SS18L2: variants seen among roughly 807,000 people sequenced by gnomAD.
The protein encoded by SS18L2 is SS18-like protein 2.
SS18L2 carries 8 observed loss-of-function variants against 10.3 expected under a neutral mutation model. The observed-to-expected ratio is 0.78, with a 90% CI of 0.46 to 1.41. SS18L2 has a LOEUF of 1.41. Ranked by LOEUF, SS18L2 falls within the 40% of genes most tolerant of loss-of-function variation. The pLI is 0.00. For synonymous variants in SS18L2, 41 were observed against 34.6 expected (o/e 1.19, Z -0.65); for missense variants, 100 against 96.2 (o/e 1.04, Z -0.17).
chr3:42,585,420 G>A (rs943856710), intron 1 of SS18L2, among the ~76,000 whole-genome samples: 2 of 152,290 alleles, frequency 1.3e-5, no homozygotes, highest in East Asian at 3.9e-4. Context: ...CTGGACCACA[G>A]AAGAGCTCCA....
intron 2 of SS18L2, among the ~76,000 whole-genome samples, chr3:42,592,145 T>G (rs1344265663): frequency 1.3e-5 from 2 of 152,154 alleles, no homozygotes; most frequent in Non-Finnish European, 2.9e-5. Context: ...TGAGAGAAAA[T>G]AGAGTCTGAG....
At chr3:42,592,379 T>C (rs1026905328) in intron 2 of SS18L2, among the ~76,000 whole-genome samples, 2 of 152,140 alleles carry the variant, frequency 1.3e-5, no homozygotes, top group African/African-American at 4.8e-5. Context: ...TTTATATTTG[T>C]AGTAGAGACA....
intron 1 of SS18L2, among the ~76,000 whole-genome samples, chr3:42,584,579 G>A (rs978286012): frequency 6.6e-6 from 1 of 152,174 alleles, no homozygotes; most frequent in African/African-American, 2.4e-5. Context: ...TTGAAAGTCA[G>A]CATCATATGG....
In SS18L2 at chr3:42,594,696, G is replaced by A. The variant is rs538106279; in HGVS notation, c.*187G>A. 1.9e-4 allele frequency: 87 copies of A among 468,390 alleles called. No homozygotes were observed. The highest frequency in any genetic ancestry group is 1.7e-3 in the African/African-American group (84 of 50,452). 29.0% of individuals were successfully genotyped at this position (468,390 alleles called of 1,614,324 possible). A position where few individuals can be genotyped will look rare whatever the true frequency, so the allele number is the denominator to read the frequency against. On this transcript the variant is annotated 3_prime_UTR_variant, in exon 3 of 3. Transcript: ENST00000011691. ...GCTACTAACTTAGCTGTATTCTCAT[G>A]TAAATATTTTTTAAATAATTAAGCA...
chr3:42,594,753 C>T lies in SS18L2; in HGVS notation c.*244C>T. On this transcript the variant is annotated 3_prime_UTR_variant, in exon 3 of 3. Coordinates refer to ENST00000011691, the MANE Select transcript of SS18L2 (RefSeq NM_001370300.1). ...TCAATAAGTTGAGCCCAGGTGTCCT[C>T]TTTCCTGAACTTGGAGCATGTTTGG... The T allele has an allele frequency of 3.1e-6, 1 of 325,826 alleles. No homozygotes were observed. Among genetic ancestry groups the T allele is most frequent in the South Asian group, 5.5e-5 (1 of 18,326 alleles). The allele number at this position is 325,826 out of a possible 1,614,324, so 20.2% of individuals were successfully genotyped here.
At chr3:42,591,296 T>C (rs1043540830) in intron 1 of SS18L2, 1 of 585,922 alleles carries the variant, frequency 1.7e-6, no homozygotes, top group African/African-American at 1.9e-5. Flanking sequence ...CTTCCTGGCT[T>C]CAAGCGAGTC....
intron 1 of SS18L2, among the ~76,000 whole-genome samples, chr3:42,585,454 AC>A (rs1036660112): frequency 6.6e-6 from 1 of 152,150 alleles, no homozygotes; most frequent in African/African-American, 2.4e-5. Flanking sequence ...AAATGCAGAC[AC>A]CTGATCTTTC....
In SS18L2 at chr3:42,584,603, T is replaced by G. The variant is rs1278525628; in HGVS notation, c.-90+2645T>G. Among the ~76,000 whole-genome samples, 4 of 152,280 alleles carry G rather than the reference T, an allele frequency of 2.6e-5. No homozygotes were observed. The East Asian group carries it at 7.7e-4, about 29-fold the overall frequency. The stretch of plus-strand genomic sequence containing the variant: ...AGCATCATATGGGCGGAAATCGAAG[T>G]GGGGCTTACATAGCCAGAGAAAAAT... On this transcript the variant is annotated intron_variant, in intron 1 of 3. Coordinates refer to the SS18L2 transcript ENST00000447630.
At chr3:42,590,414 A>G (rs570782612), upstream of SS18L2, among the ~76,000 whole-genome samples, 1 of 152,204 alleles carries the variant, frequency 6.6e-6, no homozygotes, top group East Asian at 1.9e-4. Flanking sequence ...GCGGATCACG[A>G]GGTCAGGAGA....
At chr3:42,584,619 A>T (rs577678087) in intron 1 of SS18L2, among the ~76,000 whole-genome samples, 2 of 152,340 alleles carry the variant, frequency 1.3e-5, no homozygotes, top group East Asian at 3.9e-4. Context: ...TTACATAGCC[A>T]GAGAAAAATT....
At chr3:42,590,667 A>G (rs1427665915), upstream of SS18L2, 55 of 600,268 alleles carry the variant, frequency 9.2e-5, no homozygotes, top group Admixed American at 4.4e-4. Context: ...CCCAACCCAC[A>G]AGTTTCGCTC....
intron 2 of SS18L2, among the ~76,000 whole-genome samples, chr3:42,594,175 C>T (rs1264303306): frequency 6.6e-6 from 1 of 152,214 alleles, no homozygotes; most frequent in East Asian, 1.9e-4. Flanking sequence ...AAAGATAGAT[C>T]TGGGAGACTA....
intron 2 of SS18L2, among the ~76,000 whole-genome samples, chr3:42,592,910 TCC>T (rs138493932): frequency 0.011 from 1,618 of 152,286 alleles, 32 homozygotes; most frequent in African/African-American, 0.037. Flanking sequence ...AAATGTTTTG[TCC>T]CTTCTTGAAG....
At chr3:42,584,809 T>C (rs939472049) in intron 1 of SS18L2, among the ~76,000 whole-genome samples, 3 of 152,080 alleles carry the variant, frequency 2.0e-5, no homozygotes, top group Admixed American at 6.6e-5. Context: ...GTAAAGGCAA[T>C]TGAAAACCCT....
upstream of SS18L2, among the ~76,000 whole-genome samples, chr3:42,589,597 A>G (rs772939784): frequency 5.3e-5 from 8 of 152,222 alleles, no homozygotes; most frequent in Non-Finnish European, 7.3e-5. Flanking sequence ...GCCCCCTCAG[A>G]TCAGCGGGGG....
At chr3:42,592,496 G>A (rs1340169745) in intron 2 of SS18L2, among the ~76,000 whole-genome samples, 1 of 152,106 alleles carries the variant, frequency 6.6e-6, no homozygotes, top group Non-Finnish European at 1.5e-5. Context: ...CACCACGGCC[G>A]ACCTTATGCC....
At chr3:42,591,443 T>A in intron 1 of SS18L2, 82 bp from the exon 2 acceptor site, 1 of 980,196 alleles carries the variant, frequency 1.0e-6, no homozygotes, top group Non-Finnish European at 1.6e-6. Flanking sequence ...TCCGCCTAGA[T>A]CGGCCTCCCA....
rs115700490 is a variant in SS18L2 at position 42,596,054 on chromosome 3, G to A, written c.*1545G>A. 0.011 allele frequency among the ~76,000 whole-genome samples: 1,616 copies of A among 150,654 alleles called. 25 individuals carry two copies. Among genetic ancestry groups the A allele is most frequent in the African/African-American group, 0.037 (1,513 of 41,014 alleles). On this transcript the variant is annotated 3_prime_UTR_variant, in exon 3 of 3. Coordinates refer to ENST00000011691, the MANE Select transcript of SS18L2 (RefSeq NM_001370300.1). ...TTTTGTTTTTGTTTTTTTTTGAGAC[G>A]GAATCTCGCTCTGTCGGAGTGCAGT... is the stretch of plus-strand genomic sequence containing the variant.
intron 1 of SS18L2, among the ~76,000 whole-genome samples, chr3:42,582,816 C>G (rs1352952115): frequency 6.6e-6 from 1 of 152,108 alleles, no homozygotes; most frequent in Non-Finnish European, 1.5e-5. Context: ...TATAAGAACT[C>G]TGTGGAAGGC....
Sources: gnomAD v4.1 joint callset for allele counts (sites outside exome capture counted in the v4.1 genomes callset) on GRCh38, gnomAD v4.1.1 for gene constraint, MANE v1.5 for transcripts, NCBI Gene and HGNC (gene_info 2026-07-23, HGNC 2026-07-21) for gene names.